The following COL5A1 variants were observed in gnomAD, a reference collection of about 807,000 sequenced individuals.
COL5A1 encodes the protein collagen alpha-1(V) chain.
In COL5A1, 16 loss-of-function variants were observed where a neutral mutation model predicts 263.7. The ratio of observed to expected loss-of-function variants is 0.06; its 90% CI spans 0.04 to 0.09. The LOEUF (loss-of-function observed/expected upper bound fraction) is 0.09, where lower values mean the gene tolerates loss of function less well. Ranked by LOEUF, COL5A1 falls within the 10% of genes least tolerant of loss-of-function variation. The probability of loss-of-function intolerance (pLI) is 1.00; values close to 1 mark genes in which losing one functional copy is unlikely to be tolerated. For synonymous variants in COL5A1, 1,012 were observed against 1,004.5 expected (o/e 1.01, Z -0.14); for missense variants, 2,036 against 2,540.5 (o/e 0.80, Z 4.27).
rs577493695 is a variant in COL5A1, at chr9:134,716,067, C to T, written c.655-11199C>T. ...TGCTGGTAGCACTGCTGGTGGTGGT[C>T]ATGATGCTAGCAGTGTGGTGGTTCT... is the stretch of plus-strand genomic sequence containing the variant. On this transcript the variant is annotated intron_variant, in intron 4 of 65. Transcript: ENST00000371817. The surrounding 1 kb of genome is among the most constrained non-coding windows in gnomAD (Gnocchi z 4.5). Among the ~76,000 whole-genome samples, 1 of 151,786 alleles carries T rather than the reference C, an allele frequency of 6.6e-6. No individual in the cohort carries two copies. Among genetic ancestry groups the T allele is most frequent in the African/African-American group, 2.4e-5 (1 of 41,368 alleles).
chr9:134,646,150 C>G (rs1831467580), intron 1 of COL5A1, among the ~76,000 whole-genome samples: 1 of 152,188 alleles, frequency 6.6e-6, no homozygotes, highest in Non-Finnish European at 1.5e-5. Context: ...TGCCTTTTCA[C>G]CTGGGTCGGG....
chr9:134,801,689 A>G (rs952813689), intron 37 of COL5A1, among the ~76,000 whole-genome samples: 2 of 147,074 alleles, frequency 1.4e-5, no homozygotes, highest in Admixed American at 6.8e-5. Flanking sequence ...CAGGAGGGTG[A>G]GGCAGGAGAA....
intron 1 of COL5A1, among the ~76,000 whole-genome samples, chr9:134,655,214 G>A (rs1332599003): frequency 6.6e-6 from 1 of 151,796 alleles, no homozygotes; most frequent in South Asian, 2.1e-4. Flanking sequence ...CCGGGCGTCT[G>A]TAGGGCTGGT....
At chr9:134,702,421 G>A (rs1662624748) in intron 4 of COL5A1, among the ~76,000 whole-genome samples, 2 of 151,902 alleles carry the variant, frequency 1.3e-5, no homozygotes, top group South Asian at 2.1e-4. Context: ...TCTACACATC[G>A]GTTCTGCATC....
At chr9:134,800,965 A>C (rs556632065) in intron 37 of COL5A1, among the ~76,000 whole-genome samples, 1 of 152,118 alleles carries the variant, frequency 6.6e-6, no homozygotes, top group South Asian at 2.1e-4. Context: ...GAAGGTGTGC[A>C]TGTCTCCACC....
In COL5A1 at chr9:134,696,043, C is replaced by T. The variant is rs929025210; in HGVS notation, c.278-3866C>T. On this transcript the variant is annotated intron_variant, in intron 2 of 65. Transcript: ENST00000371817. The surrounding 1 kb of genome is among the most constrained non-coding windows in gnomAD (Gnocchi z 4.3). ...CCGGCCCCTCCTGGGCTGCCAGGGT[C>T]CAGCTGAAACCTCAGCCGCCCCCCA... 2.6e-5 allele frequency among the ~76,000 whole-genome samples: 4 copies of T among 152,152 alleles called. No individual in the cohort carries two copies. The highest frequency in any genetic ancestry group is 5.9e-5 in the Non-Finnish European group (4 of 68,016).
chr9:134,751,710 T>A (rs1239630310), intron 13 of COL5A1, among the ~76,000 whole-genome samples: 2 of 152,226 alleles, frequency 1.3e-5, no homozygotes, highest in African/African-American at 4.8e-5. Flanking sequence ...AGAAAGCTGC[T>A]AAGTAATCCC....
chr9:134,722,377 C>T (rs1436057482), intron 4 of COL5A1, among the ~76,000 whole-genome samples: 3 of 152,214 alleles, frequency 2.0e-5, no homozygotes, highest in Non-Finnish European at 4.4e-5. Flanking sequence ...CCCTGATGGT[C>T]GTGCAGGTGT....
chr9:134,839,266 C>G (rs1302909077), intron 65 of COL5A1, among the ~76,000 whole-genome samples: 1 of 152,208 alleles, frequency 6.6e-6, no homozygotes, highest in Non-Finnish European at 1.5e-5. Context: ...CTTTCGGCGC[C>G]TCTGGGGGGC....
At chr9:134,657,817 C>T (rs1036184492) in intron 1 of COL5A1, among the ~76,000 whole-genome samples, 19 of 151,728 alleles carry the variant, frequency 1.3e-4, no homozygotes, top group Non-Finnish European at 2.4e-4. Flanking sequence ...CTGATGTCTT[C>T]TGGGGAGGGG....
rs146878395 is a variant in COL5A1 at position 134,677,856 on chromosome 9, C to T, written c.110-13056C>T. 1.0e-3 allele frequency among the ~76,000 whole-genome samples: 152 copies of T among 152,332 alleles called. No homozygotes were observed. The highest frequency in any genetic ancestry group is 3.2e-3 in the African/African-American group (135 of 41,574). On this transcript the variant is annotated intron_variant, in intron 1 of 65. Transcript: ENST00000371817. The surrounding 1 kb of genome is among the most constrained non-coding windows in gnomAD (Gnocchi z 4.4). The stretch of plus-strand genomic sequence containing the variant: ...CTGCTTTCTCCACAGCTGCCTGGAA[C>T]GCCCCATGGCATGGTTCCACGGGAG...
At chr9:134,646,630 C>A (rs1006028813) in intron 1 of COL5A1, among the ~76,000 whole-genome samples, 1 of 152,214 alleles carries the variant, frequency 6.6e-6, no homozygotes, top group African/African-American at 2.4e-5. Context: ...CCTTTCTCTG[C>A]CCCCGTTCCT....
At chr9:134,768,904 G>A (rs377156723) in intron 25 of COL5A1, among the ~76,000 whole-genome samples, 1 of 152,196 alleles carries the variant, frequency 6.6e-6, no homozygotes, top group African/African-American at 2.4e-5. Context: ...GCGCACAGCT[G>A]TGGAGCCAAA....
At chr9:134,644,055 G>A (rs1404788820) in intron 1 of COL5A1, among the ~76,000 whole-genome samples, 7 of 152,112 alleles carry the variant, frequency 4.6e-5, no homozygotes, top group Admixed American at 4.6e-4. Context: ...GCTTTTGTCA[G>A]AACAGACTTT....
intron 1 of COL5A1, among the ~76,000 whole-genome samples, chr9:134,654,778 G>C: frequency 6.9e-6 from 1 of 145,778 alleles, no homozygotes; most frequent in East Asian, 2.1e-4. Flanking sequence ...GTGGTGTCTA[G>C]GGCTGGGGTG....
rs759591419 is a variant in COL5A1, at chr9:134,758,329, C to T, written c.1935+33C>T. On this transcript the variant is annotated intron_variant, in intron 18 of 65. Coordinates refer to ENST00000371817, the MANE Select transcript of COL5A1 (RefSeq NM_000093.5). This position sits in a 1 kb window ranked among gnomAD's most constrained non-coding sequence, Gnocchi z 4.1. ...TTTCCTCTGTGAGACACAGGCATGA[C>T]GATGGGCAGCAGAGGTGTCTCTCGG... The T allele has an allele frequency of 3.8e-5, 61 of 1,607,622 alleles. No homozygotes were observed. The highest frequency in any genetic ancestry group is 3.3e-4 in the Middle Eastern group (2 of 6,076).
intron 4 of COL5A1, among the ~76,000 whole-genome samples, chr9:134,708,144 T>G (rs754115556): frequency 6.6e-6 from 1 of 152,062 alleles, no homozygotes; most frequent in Non-Finnish European, 1.5e-5. Flanking sequence ...AGGGGCACAT[T>G]TGGGGGGCTG....
intron 14 of COL5A1, 91 bp from the exon 15 acceptor site, chr9:134,753,759 T>TCCCCCCGCCCCC: frequency 1.8e-6 from 1 of 540,648 alleles, no homozygotes; most frequent in Non-Finnish European, 3.7e-6. Context: ...CCCTGTCCCC[T>TCCCCCCGCCCCC]CCCCCTGCCC....
intron 1 of COL5A1, among the ~76,000 whole-genome samples, chr9:134,690,545 T>C (rs1833242461): frequency 6.6e-6 from 1 of 152,188 alleles, no homozygotes; most frequent in South Asian, 2.1e-4. Context: ...AGGCTGGGTG[T>C]GTGGCCCCTG....
Sources: allele counts gnomAD v4.1 joint callset (sites outside exome capture counted in the v4.1 genomes callset), GRCh38; gene constraint gnomAD v4.1.1; non-coding constraint Gnocchi (gnomAD v3.1); transcripts MANE v1.5; gene names NCBI Gene and HGNC (gene_info 2026-07-23, HGNC 2026-07-21).